The following PRMT8 variants were observed in gnomAD, a reference collection of about 807,000 sequenced individuals.
The protein encoded by PRMT8 is protein arginine N-methyltransferase 8.
A neutral mutation model predicts 47.1 loss-of-function variants in PRMT8; 7 were observed. The ratio of observed to expected loss-of-function variants is 0.15; its 90% CI spans 0.08 to 0.28. The LOEUF is 0.28. Ranked by LOEUF, PRMT8 falls within the 10% of genes least tolerant of loss-of-function variation. The probability of loss-of-function intolerance (pLI) is 1.00; values close to 1 mark genes in which losing one functional copy is unlikely to be tolerated. For synonymous variants in PRMT8, 188 were observed against 186.5 expected (o/e 1.01, Z -0.07); for missense variants, 237 against 505.4 (o/e 0.47, Z 5.09).
chr12:3,434,100 A>G (rs1030527528), intron 1 of PRMT8, among the ~76,000 whole-genome samples: 30 of 152,306 alleles, frequency 2.0e-4, no homozygotes, highest in Admixed American at 6.5e-4. Flanking sequence ...GGACACAACA[A>G]TGAAATTATT....
In PRMT8 at chr12:3,508,380, T is replaced by C. The variant is rs77461842; in HGVS notation, c.75+16680T>C. ...CATATCCTGTGTGATTTGTAGTTCA[T>C]AATATGTGAGACATGAGGTACAAGT... is the stretch of plus-strand genomic sequence containing the variant. On this transcript the variant is annotated intron_variant, in intron 1 of 9. Transcript: ENST00000382622. This position sits in a 1 kb window ranked among gnomAD's most constrained non-coding sequence, Gnocchi z 4.9. Among the ~76,000 whole-genome samples, 970 of 152,316 alleles carry C rather than the reference T, an allele frequency of 6.4e-3. 8 individuals are homozygous for C. Among genetic ancestry groups the C allele is most frequent in the African/African-American group, 0.022 (901 of 41,572 alleles).
chr12:3,520,971 A>C (rs1376611682), intron 1 of PRMT8, among the ~76,000 whole-genome samples: 1 of 152,228 alleles, frequency 6.6e-6, no homozygotes, highest in Non-Finnish European at 1.5e-5. Context: ...TGCCATCAGA[A>C]AGGAAACACT....
chr12:3,484,882 C>G (rs921141652), intron 1 of PRMT8, among the ~76,000 whole-genome samples: 1 of 152,124 alleles, frequency 6.6e-6, no homozygotes, highest in African/African-American at 2.4e-5. Context: ...AAAAGGGAGT[C>G]AAACAAGACC....
intron 1 of PRMT8, among the ~76,000 whole-genome samples, chr12:3,462,384 C>A (rs1411362538): frequency 6.6e-6 from 1 of 151,948 alleles, no homozygotes; most frequent in Non-Finnish European, 1.5e-5. Flanking sequence ...GCAGAGTGGG[C>A]TGGTACTGGG....
At position 3,540,626 on chromosome 12, in the gene PRMT8, G is replaced by GGC; in HGVS notation, c.96_97insGC (p.Pro33AlafsTer34). 2.5e-6 allele frequency: 1 copy of GGC among 404,402 alleles called. No individual in the cohort carries two copies. Among genetic ancestry groups the GGC allele is most frequent in the Non-Finnish European group, 4.2e-6 (1 of 236,922 alleles). 25.1% of individuals were successfully genotyped at this position (404,402 alleles called of 1,614,324 possible). A position where few individuals can be genotyped will look rare whatever the true frequency, so the allele number is the denominator to read the frequency against. ...CTCAGGTGAACAGCCCCCCCTCCCA[G>GGC]CCCCCCCAGCCCGTCGTCCCTGCTA... On this transcript the variant is annotated frameshift_variant, in exon 2 of 10. Coordinates refer to ENST00000382622, the MANE Select transcript of PRMT8 (RefSeq NM_019854.5). LOFTEE classifies it high-confidence loss of function.
intron 1 of PRMT8, among the ~76,000 whole-genome samples, chr12:3,530,168 T>C (rs2137152181): frequency 6.6e-6 from 1 of 152,272 alleles, no homozygotes; most frequent in East Asian, 1.9e-4. Context: ...ATTCCCAATT[T>C]TGCTTTTCTT....
In PRMT8 at chr12:3,592,364, G is replaced by GGGACATAA; in HGVS notation, c.1101+23_1101+30dup. ...ATGCCAAAAATGTGGTAAGTGCCGA[G>GGGACATAA]GGACATAAGGACATAAGGGAGAAGG... On this transcript the variant is annotated intron_variant, in intron 9 of 9. Transcript: ENST00000382622. The GGGACATAA allele has an allele frequency of 6.2e-7, 1 of 1,601,508 alleles. No individual in the cohort carries two copies. Among genetic ancestry groups the GGGACATAA allele is most frequent in the Non-Finnish European group, 8.5e-7 (1 of 1,174,786 alleles).
At chr12:3,469,922 A>G (rs1865141791) in intron 1 of PRMT8, among the ~76,000 whole-genome samples, 1 of 152,164 alleles carries the variant, frequency 6.6e-6, no homozygotes, top group Non-Finnish European at 1.5e-5. Context: ...CACACACAGC[A>G]TCGCCACGTG....
At chr12:3,396,341 C>T (rs536674571) in intron 1 of PRMT8, among the ~76,000 whole-genome samples, 298 of 152,030 alleles carry the variant, frequency 2.0e-3, no homozygotes, top group South Asian at 6.3e-3. Flanking sequence ...GATTTTGCAG[C>T]GGCTGGTACC....
At chr12:3,463,023 A>G (rs1865056823) in intron 1 of PRMT8, 1 of 152,232 alleles carries the variant, frequency 6.6e-6, no homozygotes, top group African/African-American at 2.4e-5. Flanking sequence ...TGAAATTGGC[A>G]GAAGAAGGCC....
chr12:3,464,984 C>A (rs534149155), intron 1 of PRMT8, among the ~76,000 whole-genome samples: 8 of 151,382 alleles, frequency 5.3e-5, no homozygotes, highest in Middle Eastern at 6.8e-3. Context: ...ATTAGCCGGG[C>A]GTGGTGGTGC....
chr12:3,518,435 C>T (rs1865830147), intron 1 of PRMT8, among the ~76,000 whole-genome samples: 1 of 150,362 alleles, frequency 6.7e-6, no homozygotes, highest in Non-Finnish European at 1.5e-5. Context: ...CTTGGAAAAT[C>T]CCCTCAGTTT....
At chr12:3,579,228 G>C (rs894777353) in intron 7 of PRMT8, among the ~76,000 whole-genome samples, 8 of 152,104 alleles carry the variant, frequency 5.3e-5, no homozygotes, top group Admixed American at 5.2e-4. Context: ...GCATCTGCAC[G>C]TACTGGCTTC....
At chr12:3,568,587 T>C in intron 4 of PRMT8, 119 bp from the exon 5 acceptor site, 1 of 1,133,924 alleles carries the variant, frequency 8.8e-7, no homozygotes, top group Non-Finnish European at 1.3e-6. Flanking sequence ...AGCTACATCA[T>C]ATCCTAAAAG....
chr12:3,520,648 A>G (rs550793650), intron 1 of PRMT8, among the ~76,000 whole-genome samples: 2 of 152,376 alleles, frequency 1.3e-5, no homozygotes, highest in South Asian at 2.1e-4. Flanking sequence ...TGGTAAAAAA[A>G]CACAATAACT....
rs1440864676 is a variant in PRMT8 at position 3,436,990 on chromosome 12, T to C, written c.48+55548T>C. On this transcript the variant is annotated intron_variant, in intron 1 of 9. Coordinates refer to the PRMT8 transcript ENST00000452611. This position sits in a 1 kb window ranked among gnomAD's most constrained non-coding sequence, Gnocchi z 4.2. ...TACTCACCTTCTACTGTGTCCAAAG[T>C]ACACAAAATAAGGGTCCTCTTTTAC... Among the ~76,000 whole-genome samples the C allele has an allele frequency of 1.3e-5, 2 of 152,298 alleles. No individual in the cohort carries two copies. The highest frequency in any genetic ancestry group is 1.3e-4 in the Admixed American group (2 of 15,296).
At chr12:3,388,041 T>TTCC (rs1864158201) in intron 1 of PRMT8, among the ~76,000 whole-genome samples, 3 of 136,056 alleles carry the variant, frequency 2.2e-5, no homozygotes, top group Admixed American at 7.9e-5. Flanking sequence ...TTTCTCCTTC[T>TTCC]TTCCTTCCTT....
Position 3,567,740 on chromosome 12 carries a change from G to A in PRMT8, c.482-966G>A, listed in dbSNP as rs1305769683. ...CTCCCACAAAAGTAAGCTACTATCA[G>A]CCTACTGTTGACCAGCAGTCTTGCT... On this transcript the variant is annotated intron_variant, in intron 4 of 9. Transcript: ENST00000382622. 4.8e-4 allele frequency among the ~76,000 whole-genome samples: 73 copies of A among 152,194 alleles called. 1 individual carries two copies. Among genetic ancestry groups the A allele is most frequent in the Admixed American group, 4.7e-3 (72 of 15,282 alleles).
Position 3,453,690 on chromosome 12 carries a change from A to G in PRMT8, c.48+72248A>G, listed in dbSNP as rs1211262777. ...CCAGGGCAAATGCTGGGGCGCAGCC[A>G]TGCTGGCTGTCTCCTCGTCTGTTCT... On this transcript the variant is annotated intron_variant, in intron 1 of 9. Coordinates refer to the PRMT8 transcript ENST00000452611. The surrounding 1 kb of genome is among the most constrained non-coding windows in gnomAD (Gnocchi z 4.9). Among the ~76,000 whole-genome samples, 1 of 152,180 alleles carries G rather than the reference A, an allele frequency of 6.6e-6. No individual in the cohort carries two copies. Among genetic ancestry groups the G allele is most frequent in the South Asian group, 2.1e-4 (1 of 4,832 alleles).
Sources: allele counts gnomAD v4.1 joint callset (sites outside exome capture counted in the v4.1 genomes callset), GRCh38; gene constraint gnomAD v4.1.1; non-coding constraint Gnocchi (gnomAD v3.1); transcripts MANE v1.5; gene names NCBI Gene and HGNC (gene_info 2026-07-23, HGNC 2026-07-21).